The following ANK2 variants were observed in gnomAD, a reference collection of about 807,000 sequenced individuals.
The protein encoded by ANK2 is ankyrin 2.
Under a neutral mutation model 360.5 loss-of-function variants are expected in ANK2, and 83 were observed. The ratio of observed to expected loss-of-function variants is 0.23; its 90% confidence interval spans 0.19 to 0.28. The LOEUF (loss-of-function observed/expected upper bound fraction) is 0.28, where lower values mean the gene tolerates loss of function less well. Among genes scored for constraint, ANK2 ranks in the 10% least tolerant of loss-of-function variants. ANK2 has a pLI of 1.00. For synonymous variants in ANK2, 1,740 were observed against 1,759.5 expected (o/e 0.99, Z 0.28); for missense variants, 4,201 against 4,795.7 (o/e 0.88, Z 3.66).
At chr4:113,167,787 A>T (rs1228309577) in intron 1 of ANK2, among the ~76,000 whole-genome samples, 1 of 152,126 alleles carries the variant, frequency 6.6e-6, no homozygotes, top group East Asian at 1.9e-4. Flanking sequence ...TTCCGAAACT[A>T]CTACTGATTT....
intron 4 of ANK2, among the ~76,000 whole-genome samples, chr4:113,218,451 CAAA>C (rs36042626): frequency 2.9e-4 from 39 of 134,472 alleles, no homozygotes; most frequent in African/African-American, 9.5e-4. Flanking sequence ...ATTAAATGAC[CAAA>C]AAAAAAAAAA....
At chr4:113,230,706 A>G (rs939814453) in intron 4 of ANK2, among the ~76,000 whole-genome samples, 1 of 152,344 alleles carries the variant, frequency 6.6e-6, no homozygotes, top group African/African-American at 2.4e-5. Context: ...ATGAGACATT[A>G]CATATTCCTA....
At chr4:113,365,482 A>C (rs1280006567) in intron 41 of ANK2, among the ~76,000 whole-genome samples, 3 of 151,824 alleles carry the variant, frequency 2.0e-5, no homozygotes, top group Non-Finnish European at 4.4e-5. Context: ...TTTTTATGCT[A>C]CCTTAGCCAC....
intron 2 of ANK2, among the ~76,000 whole-genome samples, chr4:112,998,336 G>C (rs1028229508): frequency 6.6e-6 from 1 of 152,080 alleles, no homozygotes; most frequent in African/African-American, 2.4e-5. Flanking sequence ...CCCAAAATGA[G>C]TGATGGTCTT....
At position 113,363,429 on chromosome 4, in the gene ANK2, G is replaced by A. The variant is rs1060504151; in HGVS notation, c.10848G>A (p.Leu3616=). 10 of 1,613,448 alleles carry A rather than the reference G, an allele frequency of 6.2e-6. No individual in the cohort carries two copies. The highest frequency in any genetic ancestry group is 6.8e-6 in the Non-Finnish European group (8 of 1,179,640). The change falls in exon 40 of 46, where the codon CTG becomes CTA. Residue 3616 remains leucine (L), a synonymous_variant. Coordinates refer to ENST00000357077, the MANE Select transcript of ANK2 (RefSeq NM_001148.6). Reference sequence around the variant, plus strand: ...CTCTTCAAGACCAGAGTCATGCACTGTTGAAGTACTGGCTAGAGAGGGATG... The same window carrying A: ...CTCTTCAAGACCAGAGTCATGCACTATTGAAGTACTGGCTAGAGAGGGATG... ...PNSLQDQSHA[L]LKYWLERDGK... is the part of the protein sequence containing the mutation.
chr4:112,763,578 G>A, the ANK2 span, among the ~76,000 whole-genome samples: 1 of 148,882 alleles, frequency 6.7e-6, no homozygotes, highest in South Asian at 2.1e-4. Flanking sequence ...TGTTGCCCAG[G>A]CTGGAGTGCA....
chr4:113,354,535 C>T lies in ANK2; in HGVS notation c.5917C>T (p.Pro1973Ser), dbSNP rs1316622536. ...ACCTTCTGGCAAAACAGAAAAGCAA[C>T]CACCTGTATCCCCCACTTCAAAAAC... ...VSPSGKTEKQ[P>S]PVSPTSKTER... Residue 1973 changes from proline to serine, a missense_variant, in exon 38 of 46, where the codon CCA becomes TCA. By Grantham distance (74) the Pro-to-Ser change is moderately conservative (BLOSUM62 -1). Coordinates refer to ENST00000357077, the MANE Select transcript of ANK2 (RefSeq NM_001148.6). The T allele has an allele frequency of 6.2e-7, 1 of 1,614,116 alleles. No homozygotes were observed. The highest frequency in any genetic ancestry group is 2.2e-5 in the East Asian group (1 of 44,880).
chr4:112,982,943 A>G (rs955277779), intron 2 of ANK2, among the ~76,000 whole-genome samples: 1 of 152,178 alleles, frequency 6.6e-6, no homozygotes, highest in African/African-American at 2.4e-5. Context: ...GTTGTTGGTT[A>G]CAGAACTGTT....
intron 1 of ANK2, among the ~76,000 whole-genome samples, chr4:112,831,487 C>A (rs2059715550): frequency 6.6e-6 from 1 of 152,116 alleles, no homozygotes; most frequent in African/African-American, 2.4e-5. Flanking sequence ...GTAAACACAC[C>A]AATCAGCACC....
intron 1 of ANK2, among the ~76,000 whole-genome samples, chr4:112,837,420 A>T (rs1408150554): frequency 6.6e-6 from 1 of 152,240 alleles, no homozygotes; most frequent in African/African-American, 2.4e-5. Flanking sequence ...GGCAATGCAG[A>T]AGGGAAATGT....
chr4:113,237,146 G>T lies in ANK2; in HGVS notation c.643G>T (p.Asp215Tyr). 1 of 1,614,066 alleles carries T rather than the reference G, an allele frequency of 6.2e-7. No individual in the cohort carries two copies. The highest frequency in any genetic ancestry group is 1.1e-5 in the South Asian group (1 of 91,062). The change falls in exon 6 of 46, where the codon GAC (aspartate) becomes TAC (tyrosine). Residue 215 changes from aspartate to tyrosine, a missense_variant. Physicochemically the swap from Asp to Tyr is radical, Grantham distance 160. This residue lies in a region of ANK2 where 122 missense variants were observed against 239.3 expected (regional missense o/e 0.51). Transcript: ENST00000357077. ...TKSAALLLQNDHNADVQSKMM... is the reference protein window; with the variant it reads ...TKSAALLLQNYHNADVQSKMM... Reference sequence around the variant, plus strand: ...ATCTGCCGCACTTCTGCTTCAGAATGACCACAATGCTGACGTACAATCCAA... The same window carrying T: ...ATCTGCCGCACTTCTGCTTCAGAATTACCACAATGCTGACGTACAATCCAA...
chr4:113,025,932 T>C (rs1354677), intron 2 of ANK2, among the ~76,000 whole-genome samples: 41,815 of 152,076 alleles, frequency 0.27, 6,306 homozygotes, highest in East Asian at 0.42. Context: ...GTCACTTTCA[T>C]GGGCATTTTA....
At chr4:113,006,475 C>T (rs1007630624) in intron 2 of ANK2, among the ~76,000 whole-genome samples, 1 of 152,120 alleles carries the variant, frequency 6.6e-6, no homozygotes, top group African/African-American at 2.4e-5. Context: ...ATTGAGCTCT[C>T]ATTATTTATC....
the ANK2 span, among the ~76,000 whole-genome samples, chr4:112,777,031 A>G: frequency 7.9e-5 from 12 of 152,196 alleles, no homozygotes; most frequent in Non-Finnish European, 1.6e-4. Context: ...TAATTTTTCA[A>G]ACTCTGAGAA....
intron 1 of ANK2, among the ~76,000 whole-genome samples, chr4:112,856,797 T>G (rs1218675912): frequency 6.6e-6 from 1 of 152,236 alleles, no homozygotes; most frequent in East Asian, 1.9e-4. Flanking sequence ...AAGACTTTAT[T>G]CAGGAGTTGG....
intron 42 of ANK2, 110 bp downstream of exon 42, chr4:113,367,961 T>C: frequency 7.6e-7 from 1 of 1,319,638 alleles, no homozygotes. Context: ...AAAATGACCC[T>C]ACCAAACACA....
intron 2 of ANK2, among the ~76,000 whole-genome samples, chr4:112,905,600 T>C (rs558089300): frequency 4.3e-4 from 66 of 152,246 alleles, no homozygotes; most frequent in Non-Finnish European, 8.2e-4. Context: ...AAAGGAGAAA[T>C]AGACAATTTT....
the ANK2 span, among the ~76,000 whole-genome samples, chr4:112,754,626 C>T: frequency 6.6e-6 from 1 of 151,960 alleles, no homozygotes; most frequent in African/African-American, 2.4e-5. Context: ...GCCCACTGAG[C>T]CTGCTTTCCC....
intron 22 of ANK2, among the ~76,000 whole-genome samples, chr4:113,296,548 G>A (rs528105166): frequency 1.2e-4 from 19 of 152,180 alleles, no homozygotes; most frequent in East Asian, 3.9e-4. Context: ...GAATAAAGTC[G>A]TTGTGTAGAG....
Sources: gnomAD v4.1 joint callset for allele counts (sites outside exome capture counted in the v4.1 genomes callset) on GRCh38, gnomAD v4.1.1 for gene constraint, gnomAD v4.1.1 regional missense constraint, MANE v1.5 for transcripts, NCBI Gene and HGNC (gene_info 2026-07-23, HGNC 2026-07-21) for gene names.